OR1J2: variants seen among roughly 807,000 people sequenced by gnomAD.
OR1J2 encodes the protein olfactory receptor family 1 subfamily J member 2.
For missense variants in OR1J2, 304 were observed against 246.1 expected (o/e 1.24, Z -1.57); for synonymous variants, 142 against 99.7 (o/e 1.42, Z -2.52).
chr9:122,468,377 C>A, the OR1J2 span, among the ~76,000 whole-genome samples: 1 of 152,120 alleles, frequency 6.6e-6, no homozygotes, highest in African/African-American at 2.4e-5. Flanking sequence ...AAACTGAATT[C>A]CCAACTTTTC....
chr9:122,542,927 G>A, the OR1J2 span, among the ~76,000 whole-genome samples: 1 of 152,134 alleles, frequency 6.6e-6, no homozygotes, highest in Admixed American at 6.5e-5. Flanking sequence ...ATTTATCCAC[G>A]TTGTGGTGTA....
the OR1J2 span, among the ~76,000 whole-genome samples, chr9:122,523,723 C>G: frequency 6.6e-6 from 1 of 152,112 alleles, no homozygotes; most frequent in Non-Finnish European, 1.5e-5. Flanking sequence ...GACTAGGCAC[C>G]TTAAATAATT....
At chr9:122,564,616 A>G in the OR1J2 span, among the ~76,000 whole-genome samples, 1 of 152,252 alleles carries the variant, frequency 6.6e-6, no homozygotes, top group Non-Finnish European at 1.5e-5. Flanking sequence ...TGGATCCTGG[A>G]GAATGACAGT....
chr9:122,527,191 CAAG>C, the OR1J2 span: 3 of 1,614,068 alleles, frequency 1.9e-6, no homozygotes. Context: ...GTCAAGGTGA[CAAG>C]ATACATACAC....
the OR1J2 span, among the ~76,000 whole-genome samples, chr9:122,458,477 A>T: frequency 6.6e-6 from 1 of 152,220 alleles, no homozygotes; most frequent in Non-Finnish European, 1.5e-5. Flanking sequence ...GGTTTAATTG[A>T]CTCACAGTTC....
At chr9:122,504,783 G>C in the OR1J2 span, among the ~76,000 whole-genome samples, 1 of 151,972 alleles carries the variant, frequency 6.6e-6, no homozygotes, top group Non-Finnish European at 1.5e-5. Context: ...TATACTGCTT[G>C]CTTTCATAGC....
chr9:122,571,409 G>T, the OR1J2 span, among the ~76,000 whole-genome samples: 1 of 151,992 alleles, frequency 6.6e-6, no homozygotes, highest in African/African-American at 2.4e-5. Flanking sequence ...AATTAGCCAG[G>T]CATGGTGGCG....
chr9:122,530,434 G>A, the OR1J2 span, among the ~76,000 whole-genome samples: 4 of 152,206 alleles, frequency 2.6e-5, no homozygotes, highest in African/African-American at 9.6e-5. Flanking sequence ...CAGATACAGG[G>A]AGTCATGGGA....
the OR1J2 span, among the ~76,000 whole-genome samples, chr9:122,550,705 C>G: frequency 1.3e-5 from 2 of 151,972 alleles, no homozygotes; most frequent in Admixed American, 1.3e-4. Flanking sequence ...CATATCCCTT[C>G]ATGATAAAAA....
At chr9:122,568,302 G>T in the OR1J2 span, 1 of 1,614,120 alleles carries the variant, frequency 6.2e-7, no homozygotes, top group South Asian at 1.1e-5. Flanking sequence ...GAAATACATA[G>T]GGGTCTGAAG....
At chr9:122,527,275 T>C in the OR1J2 span, 28 of 1,608,990 alleles carry the variant, frequency 1.7e-5, no homozygotes, top group Non-Finnish European at 2.1e-5. Context: ...AATTCAGAAA[T>C]GCTGGATTGG....
chr9:122,524,994 G>T, the OR1J2 span, among the ~76,000 whole-genome samples: 3 of 152,138 alleles, frequency 2.0e-5, no homozygotes, highest in South Asian at 4.1e-4. Flanking sequence ...GACTGTCAGT[G>T]GTCTTTGGTC....
the OR1J2 span, among the ~76,000 whole-genome samples, chr9:122,455,229 T>C: frequency 6.6e-5 from 10 of 152,372 alleles, no homozygotes; most frequent in East Asian, 1.9e-3. Context: ...GTTTTAGGTA[T>C]ACATCTAGGG....
the OR1J2 span, among the ~76,000 whole-genome samples, chr9:122,486,246 C>T: frequency 5.3e-5 from 8 of 152,184 alleles, no homozygotes; most frequent in African/African-American, 1.2e-4. Flanking sequence ...AGGCATGAAC[C>T]GCTGTGCCCA....
chr9:122,546,460 G>A, the OR1J2 span, among the ~76,000 whole-genome samples: 2 of 152,168 alleles, frequency 1.3e-5, no homozygotes, highest in South Asian at 2.1e-4. Flanking sequence ...TGCTCGCACG[G>A]TGCTTGCTTT....
At chr9:122,450,804 A>G in the OR1J2 span, among the ~76,000 whole-genome samples, 1 of 152,034 alleles carries the variant, frequency 6.6e-6, no homozygotes, top group Non-Finnish European at 1.5e-5. Flanking sequence ...TACTTCTATG[A>G]ATTTGACTGT....
chr9:122,549,913 G>C, the OR1J2 span, among the ~76,000 whole-genome samples: 159 of 152,152 alleles, frequency 1.0e-3, no homozygotes, highest in African/African-American at 3.7e-3. Flanking sequence ...TTGGTATTTT[G>C]ATAGGAATTG....
At chr9:122,562,876 G>A in the OR1J2 span, among the ~76,000 whole-genome samples, 1 of 152,062 alleles carries the variant, frequency 6.6e-6, no homozygotes, top group Non-Finnish European at 1.5e-5. Context: ...GCTGCATGGT[G>A]TTCCATTGTG....
chr9:122,575,580 T>A, the OR1J2 span, among the ~76,000 whole-genome samples: 38,916 of 152,002 alleles, frequency 0.26, 5,456 homozygotes, highest in African/African-American at 0.32. Context: ...ATTTGTGTCC[T>A]CTGTCTTGTT....
Sources: allele counts gnomAD v4.1 joint callset (sites outside exome capture counted in the v4.1 genomes callset), GRCh38; gene constraint gnomAD v4.1.1; transcripts MANE v1.5; gene names NCBI Gene and HGNC (gene_info 2026-07-23, HGNC 2026-07-21).